Variants in FBLN7 observed in about 807,000 individuals in gnomAD.
FBLN7 encodes fibulin-7.
In FBLN7, 31 loss-of-function variants were observed where a neutral mutation model predicts 44.0. The ratio of observed to expected loss-of-function variants is 0.70; its 90% CI spans 0.53 to 0.95. The LOEUF is 0.95. Among genes scored for constraint, FBLN7 ranks in the 40% least tolerant of loss-of-function variants. FBLN7 has a pLI of 0.00. For missense variants in FBLN7, 573 were observed against 618.5 expected (o/e 0.93, Z 0.78); for synonymous variants, 262 against 253.4 (o/e 1.03, Z -0.32).
At chr2:112,160,784 ACG>A (rs1558880362) in intron 2 of FBLN7, among the ~76,000 whole-genome samples, 9 of 130,792 alleles carry the variant, frequency 6.9e-5, no homozygotes, top group Non-Finnish European at 1.3e-4. Flanking sequence ...ACGCACACGC[ACG>A]CACACGCACA....
At chr2:112,181,704 C>A in intron 4 of FBLN7, 35 bp from the exon 5 acceptor site, 1 of 1,352,084 alleles carries the variant, frequency 7.4e-7, no homozygotes, top group South Asian at 1.8e-5. Context: ...GCAGGTGCGC[C>A]AGGGCCCGGC....
At chr2:112,225,012 AATTT>A in the FBLN7 span, among the ~76,000 whole-genome samples, 7 of 152,056 alleles carry the variant, frequency 4.6e-5, no homozygotes, top group Non-Finnish European at 4.4e-5. Context: ...ACACCTTTTT[AATTT>A]ATTCCTGTTT....
chr2:112,151,561 C>T (rs1174770229), intron 1 of FBLN7: 1 of 152,262 alleles, frequency 6.6e-6, no homozygotes. Flanking sequence ...GGAAACTCCT[C>T]ACCATGGAGC....
intron 4 of FBLN7, among the ~76,000 whole-genome samples, chr2:112,179,327 C>T (rs901654044): frequency 9.2e-5 from 14 of 151,908 alleles, no homozygotes; most frequent in Non-Finnish European, 1.3e-4. Flanking sequence ...AAACATGGCT[C>T]AAAAAAATCA....
At chr2:112,199,664 A>G in the FBLN7 span, among the ~76,000 whole-genome samples, 1 of 152,108 alleles carries the variant, frequency 6.6e-6, no homozygotes, top group Non-Finnish European at 1.5e-5. Flanking sequence ...CCTCTCTGCT[A>G]TGGTTTGAAT....
chr2:112,226,237 A>G, the FBLN7 span, among the ~76,000 whole-genome samples: 68 of 152,178 alleles, frequency 4.5e-4, no homozygotes, highest in Admixed American at 1.6e-3. Flanking sequence ...TTTAAAAAAG[A>G]AAAATCTGAA....
intron 1 of FBLN7, among the ~76,000 whole-genome samples, chr2:112,139,902 C>G (rs1206236939): frequency 1.2e-5 from 1 of 83,606 alleles, no homozygotes. Flanking sequence ...TCCCGCCTCT[C>G]TCCCCTGTCC....
chr2:112,186,685 C>T lies in FBLN7; in HGVS notation c.948-449C>T, dbSNP rs144369092. ...ATGCTGCTGTGTTTAGGAAGTTCAC[C>T]GTACACCGTGTGGGAAGCACTGCAT... On this transcript the variant is annotated intron_variant, in intron 7 of 7. Coordinates refer to ENST00000331203, the MANE Select transcript of FBLN7 (RefSeq NM_153214.3). 2.1e-3 allele frequency among the ~76,000 whole-genome samples: 315 copies of T among 152,184 alleles called. 1 individual carries two copies. Among genetic ancestry groups the T allele is most frequent in the Non-Finnish European group, 3.2e-3 (215 of 67,996 alleles).
At chr2:112,194,779 T>G in the FBLN7 span, among the ~76,000 whole-genome samples, 12 of 152,278 alleles carry the variant, frequency 7.9e-5, no homozygotes, top group Admixed American at 2.6e-4. Flanking sequence ...CAGATAGCCC[T>G]GTGTCCTTTC....
chr2:112,149,661 T>A (rs1319956718), intron 1 of FBLN7, among the ~76,000 whole-genome samples: 1 of 152,150 alleles, frequency 6.6e-6, no homozygotes, highest in African/African-American at 2.4e-5. Flanking sequence ...ACTTTCTTTA[T>A]CCTTTCAAAC....
chr2:112,230,975 A>G, the FBLN7 span: 1 of 1,207,572 alleles, frequency 8.3e-7, no homozygotes, highest in Non-Finnish European at 1.1e-6. Context: ...AAATCACATA[A>G]TCATTTTTAT....
At chr2:112,222,014 T>C in the FBLN7 span, among the ~76,000 whole-genome samples, 5 of 152,124 alleles carry the variant, frequency 3.3e-5, no homozygotes, top group African/African-American at 1.2e-4. Context: ...ATCTTTGAAG[T>C]TGCTGTCCTT....
the FBLN7 span, chr2:112,212,115 G>C: frequency 6.6e-6 from 1 of 152,274 alleles, no homozygotes; most frequent in South Asian, 2.1e-4. Context: ...TGGTATATTA[G>C]TGTGTGGTGA....
the FBLN7 span, among the ~76,000 whole-genome samples, chr2:112,197,844 C>A: frequency 2.0e-5 from 3 of 152,198 alleles, no homozygotes; most frequent in African/African-American, 7.2e-5. Flanking sequence ...AGCTGATTTT[C>A]AAACATCGTG....
At chr2:112,226,817 TAATAA>T in the FBLN7 span, among the ~76,000 whole-genome samples, 16,216 of 152,014 alleles carry the variant, frequency 0.11, 1,152 homozygotes, top group Non-Finnish European at 0.15. Context: ...TAAAAATCCT[TAATAA>T]AATATTAGCC....
chr2:112,238,508 T>C, the FBLN7 span: 3 of 1,610,926 alleles, frequency 1.9e-6, no homozygotes, highest in African/African-American at 2.7e-5. Context: ...AACTTTTTGG[T>C]GATATTGCAG....
chr2:112,233,019 A>G, the FBLN7 span, among the ~76,000 whole-genome samples: 4 of 152,314 alleles, frequency 2.6e-5, no homozygotes, highest in East Asian at 7.7e-4. Flanking sequence ...AAGAGGTCTC[A>G]TGGACCCTCT....
chr2:112,162,305 A>T (rs1229228212), intron 2 of FBLN7, among the ~76,000 whole-genome samples: 1 of 149,192 alleles, frequency 6.7e-6, no homozygotes, highest in Non-Finnish European at 1.5e-5. Flanking sequence ...CTCCTGTGCC[A>T]GGCCTGTTTT....
downstream of FBLN7, chr2:112,188,892 A>G (rs1265397097): frequency 6.6e-6 from 1 of 152,242 alleles, no homozygotes; most frequent in African/African-American, 2.4e-5. Flanking sequence ...TAAAGTTACA[A>G]GACTTCATTA....
Sources: allele counts gnomAD v4.1 joint callset (sites outside exome capture counted in the v4.1 genomes callset), GRCh38; gene constraint gnomAD v4.1.1; transcripts MANE v1.5; gene names NCBI Gene and HGNC (gene_info 2026-07-23, HGNC 2026-07-21).